Variants in WWOX observed in about 807,000 individuals in gnomAD.
The protein encoded by WWOX is WW domain-containing oxidoreductase.
A neutral mutation model predicts 46.2 loss-of-function variants in WWOX; 69 were observed. The ratio of observed to expected loss-of-function variants is 1.49; its 90% CI spans 1.23 to 1.82. The LOEUF (loss-of-function observed/expected upper bound fraction) is 1.82. Among genes scored for constraint, WWOX ranks in the 40% most tolerant of loss-of-function variants. The pLI is 0.00. For synonymous variants in WWOX, 359 were observed against 202.6 expected (o/e 1.77, Z -6.56); for missense variants, 919 against 542.6 (o/e 1.69, Z -6.89).
intron 5 of WWOX, among the ~76,000 whole-genome samples, chr16:78,371,167 T>C (rs951738881): frequency 6.6e-5 from 10 of 152,266 alleles, no homozygotes; most frequent in Admixed American, 3.9e-4. Context: ...ATACGCACAG[T>C]TCCTCAGCAT....
intron 4 of WWOX, among the ~76,000 whole-genome samples, chr16:78,150,466 C>T (rs1019523925): frequency 1.3e-5 from 2 of 152,144 alleles, no homozygotes; most frequent in Admixed American, 6.5e-5. Context: ...ACAGCCAGGA[C>T]CTCCCAGGCT....
rs1247463721 is a variant in WWOX at position 79,114,372 on chromosome 16, G to T, written c.1057-97236G>T. Among the ~76,000 whole-genome samples, 3 of 108,504 alleles carry T rather than the reference G, an allele frequency of 2.8e-5. No homozygotes were observed. In the East Asian group the frequency reaches 1.2e-3, roughly 43 times the overall value. 71.2% of individuals were successfully genotyped at this position (108,504 alleles called of 152,430 possible). A position where few individuals can be genotyped will look rare whatever the true frequency, so the allele number is the denominator to read the frequency against. Reference sequence around the variant, plus strand: ...GAGGGAGATTTGGAGAGACACACGTGTGTGCACACATATCTACGTATCTAC... The same window carrying T: ...GAGGGAGATTTGGAGAGACACACGTTTGTGCACACATATCTACGTATCTAC... On this transcript the variant is annotated intron_variant, in intron 8 of 8. Coordinates refer to ENST00000566780, the MANE Select transcript of WWOX (RefSeq NM_016373.4).
intron 1 of WWOX, among the ~76,000 whole-genome samples, chr16:78,106,387 C>T (rs1250623241): frequency 6.8e-6 from 1 of 146,834 alleles, no homozygotes; most frequent in African/African-American, 2.5e-5. Context: ...GTTATCCTTA[C>T]TAGAGAGCCA....
intron 8 of WWOX, among the ~76,000 whole-genome samples, chr16:78,639,217 CA>C (rs1232991922): frequency 6.6e-6 from 1 of 152,178 alleles, no homozygotes; most frequent in Non-Finnish European, 1.5e-5. Context: ...TGCATGTGCG[CA>C]AAGTCCTGTA....
At chr16:78,730,522 G>GCTC (rs1411998307) in intron 8 of WWOX, among the ~76,000 whole-genome samples, 2 of 151,888 alleles carry the variant, frequency 1.3e-5, no homozygotes, top group Non-Finnish European at 2.9e-5. Flanking sequence ...CACCATCTGA[G>GCTC]CTCACTGCAG....
intron 8 of WWOX, among the ~76,000 whole-genome samples, chr16:78,607,564 G>T (rs1021846628): frequency 5.3e-5 from 8 of 151,902 alleles, no homozygotes; most frequent in Admixed American, 5.2e-4. Context: ...GTGAACTGTT[G>T]TCTTAGACCC....
At chr16:78,810,028 G>A (rs1055790327) in intron 8 of WWOX, among the ~76,000 whole-genome samples, 7 of 152,200 alleles carry the variant, frequency 4.6e-5, no homozygotes, top group Non-Finnish European at 4.4e-5. Context: ...AAGGAAAAAT[G>A]TTGAAGTTTC....
intron 8 of WWOX, among the ~76,000 whole-genome samples, chr16:79,035,816 A>C (rs2047855320): frequency 6.6e-6 from 1 of 152,174 alleles, no homozygotes; most frequent in Non-Finnish European, 1.5e-5. Flanking sequence ...GACGGTGGCC[A>C]AGTTGGTGCT....
At chr16:79,177,292 G>A (rs911476616) in intron 8 of WWOX, among the ~76,000 whole-genome samples, 19 of 152,086 alleles carry the variant, frequency 1.2e-4, no homozygotes, top group African/African-American at 3.4e-4. Context: ...TTTATTCCTC[G>A]CCTGGCCTCA....
At chr16:78,826,255 A>T (rs7201344) in intron 8 of WWOX, among the ~76,000 whole-genome samples, 47,409 of 151,984 alleles carry the variant, frequency 0.31, 7,651 homozygotes, top group Middle Eastern at 0.45. Flanking sequence ...CTGAGGCAGG[A>T]GAATCGCTTG....
intron 5 of WWOX, among the ~76,000 whole-genome samples, chr16:78,376,069 C>T (rs553063715): frequency 9.9e-5 from 15 of 152,034 alleles, no homozygotes; most frequent in Non-Finnish European, 1.5e-4. Flanking sequence ...AGGCTGTTCT[C>T]GAACTCCTGA....
In WWOX at chr16:78,338,812, A is replaced by G. The variant is rs1223964310; in HGVS notation, c.517-48048A>G. ...TTTTGCTATGCCATTCATTCATTCT[A>G]TTCTTTTCATTTCTTTTTCTTTTTG... On this transcript the variant is annotated intron_variant, in intron 5 of 8. Coordinates refer to ENST00000566780, the MANE Select transcript of WWOX (RefSeq NM_016373.4). 4.2e-5 allele frequency among the ~76,000 whole-genome samples: 5 copies of G among 119,716 alleles called. 2 individuals are homozygous for G. The highest frequency in any genetic ancestry group is 1.6e-4 in the Admixed American group (2 of 12,332). 78.5% of individuals were successfully genotyped at this position (119,716 alleles called of 152,430 possible).
intron 8 of WWOX, among the ~76,000 whole-genome samples, chr16:78,604,255 A>C (rs1213870756): frequency 6.6e-6 from 1 of 152,176 alleles, no homozygotes; most frequent in Non-Finnish European, 1.5e-5. Context: ...CTCCTGGGGC[A>C]CCCTTCCTTA....
At chr16:78,638,851 A>AT (rs961649643) in intron 8 of WWOX, among the ~76,000 whole-genome samples, 76 of 151,040 alleles carry the variant, frequency 5.0e-4, no homozygotes, top group African/African-American at 1.8e-3. Context: ...AGATTCAGGA[A>AT]TTTTTTTTTT....
chr16:79,000,861 T>C (rs1352642828), intron 8 of WWOX, among the ~76,000 whole-genome samples: 4 of 152,190 alleles, frequency 2.6e-5, no homozygotes, highest in Non-Finnish European at 4.4e-5. Flanking sequence ...CTCTCTTCCA[T>C]GGCATTGCCA....
chr16:79,195,777 A>C (rs546713932), intron 8 of WWOX, among the ~76,000 whole-genome samples: 2 of 152,344 alleles, frequency 1.3e-5, no homozygotes, highest in African/African-American at 4.8e-5. Context: ...GTAGTGGTAC[A>C]TAGAATCCTA....
At chr16:78,704,691 G>A (rs1282109195) in intron 8 of WWOX, among the ~76,000 whole-genome samples, 2 of 152,184 alleles carry the variant, frequency 1.3e-5, no homozygotes, top group Non-Finnish European at 2.9e-5. Context: ...TGTTAAAACT[G>A]TGTAATAGTA....
intron 5 of WWOX, among the ~76,000 whole-genome samples, chr16:78,369,350 G>GA (rs149972220): frequency 0.028 from 4,174 of 150,182 alleles, 162 homozygotes; most frequent in African/African-American, 0.09. Context: ...AAAAAACGTG[G>GA]AAAAAAAAAG....
intron 8 of WWOX, among the ~76,000 whole-genome samples, chr16:79,102,797 C>T (rs898963479): frequency 6.6e-6 from 1 of 152,182 alleles, no homozygotes; most frequent in African/African-American, 2.4e-5. Flanking sequence ...CTTTCTAGCT[C>T]ACTCCTGCCA....
Sources: allele counts gnomAD v4.1 joint callset (sites outside exome capture counted in the v4.1 genomes callset), GRCh38; gene constraint gnomAD v4.1.1; transcripts MANE v1.5; gene names NCBI Gene and HGNC (gene_info 2026-07-23, HGNC 2026-07-21).